CMTM8: variants seen among roughly 807,000 people sequenced by gnomAD.
CMTM8 encodes the protein CKLF like MARVEL transmembrane domain containing 8.
A neutral mutation model predicts 18.6 loss-of-function variants in CMTM8; 12 were observed. The observed-to-expected ratio is 0.65, with a 90% CI of 0.41 to 1.05. The LOEUF (loss-of-function observed/expected upper bound fraction) is 1.05. CMTM8 is among the 50% of genes least tolerant of loss of function. CMTM8 has a pLI of 0.00. For synonymous variants in CMTM8, 87 were observed against 90.6 expected, an observed-to-expected ratio of 0.96 and a Z score of 0.23; for missense variants, 217 against 227.2, an observed-to-expected ratio of 0.95 and a Z score of 0.29.
intron 1 of CMTM8, among the ~76,000 whole-genome samples, chr3:32,310,158 GT>G (rs954703670): frequency 2.4e-4 from 29 of 122,682 alleles, no homozygotes; most frequent in South Asian, 8.9e-4. Flanking sequence ...TAAAATTGTG[GT>G]TTTTTTTTTC....
chr3:32,320,867 CTTTG>C (rs1696031176), intron 1 of CMTM8, among the ~76,000 whole-genome samples: 2 of 152,022 alleles, frequency 1.3e-5, no homozygotes, highest in Non-Finnish European at 2.9e-5. Flanking sequence ...ACGGTGGTGA[CTTTG>C]TTTGCCCCTA....
intron 1 of CMTM8, among the ~76,000 whole-genome samples, chr3:32,298,122 C>G (rs1263491592): frequency 6.6e-6 from 1 of 150,682 alleles, no homozygotes; most frequent in East Asian, 1.9e-4. Context: ...GTCGCTGAGG[C>G]TGGAGTGCAG....
chr3:32,300,254 T>C (rs1489915934), intron 1 of CMTM8, among the ~76,000 whole-genome samples: 1 of 152,240 alleles, frequency 6.6e-6, no homozygotes, highest in East Asian at 1.9e-4. Flanking sequence ...CAGATTCTTC[T>C]TGGACTCTCT....
chr3:32,239,568 A>G (rs1462760580), intron 1 of CMTM8, among the ~76,000 whole-genome samples: 1 of 152,082 alleles, frequency 6.6e-6, no homozygotes, highest in Non-Finnish European at 1.5e-5. Context: ...TGGTAGTAAC[A>G]TTGAGGTGAG....
intron 1 of CMTM8, among the ~76,000 whole-genome samples, chr3:32,264,033 A>T (rs1445792805): frequency 6.6e-6 from 1 of 152,208 alleles, no homozygotes; most frequent in Non-Finnish European, 1.5e-5. Context: ...TCTGCAGGAT[A>T]TTATCCAGGA....
intron 1 of CMTM8, among the ~76,000 whole-genome samples, chr3:32,285,300 A>G (rs1025684250): frequency 1.3e-5 from 2 of 152,154 alleles, no homozygotes; most frequent in African/African-American, 4.8e-5. Context: ...GGATCACTTG[A>G]GGCCAGGAGT....
intron 1 of CMTM8, among the ~76,000 whole-genome samples, chr3:32,307,776 G>A (rs1008827635): frequency 2.0e-5 from 3 of 152,160 alleles, no homozygotes; most frequent in African/African-American, 7.2e-5. Context: ...CAGAGTTCCT[G>A]AGTCAGTAGA....
At chr3:32,311,531 C>A (rs1484241791) in intron 1 of CMTM8, among the ~76,000 whole-genome samples, 1 of 152,218 alleles carries the variant, frequency 6.6e-6, no homozygotes, top group South Asian at 2.1e-4. Context: ...CTTTGTGGAC[C>A]CTTGTGACTA....
chr3:32,297,467 A>ATCACGT (rs1553604376), intron 1 of CMTM8, among the ~76,000 whole-genome samples: 1 of 152,168 alleles, frequency 6.6e-6, no homozygotes, highest in Admixed American at 6.6e-5. Flanking sequence ...GGCGTGAGCC[A>ATCACGT]CCGTGCCTGG....
intron 2 of CMTM8, among the ~76,000 whole-genome samples, chr3:32,359,217 C>G (rs981334260): frequency 6.6e-6 from 1 of 152,168 alleles, no homozygotes; most frequent in Non-Finnish European, 1.5e-5. Flanking sequence ...GCCTACGGCC[C>G]AGCCACTCAA....
intron 1 of CMTM8, among the ~76,000 whole-genome samples, chr3:32,286,059 A>G (rs984645295): frequency 2.0e-5 from 3 of 152,216 alleles, no homozygotes; most frequent in Non-Finnish European, 4.4e-5. Context: ...GGCCTTCTGC[A>G]AGCAAACACT....
At position 32,346,052 on chromosome 3, in the gene CMTM8, G is replaced by A. The variant is rs139811159; in HGVS notation, c.148-11321G>A. Among the ~76,000 whole-genome samples, 390 of 152,316 alleles carry A rather than the reference G, an allele frequency of 2.6e-3. 15 individuals carry two copies. In the East Asian group the frequency reaches 0.054, roughly 21 times the overall value. Reference sequence around the variant, plus strand: ...GCCTGTAGTCCCACAGGCTTGGGAGGCCGAGGCAGGAGAATTGCTTGAACC... The same window carrying A: ...GCCTGTAGTCCCACAGGCTTGGGAGACCGAGGCAGGAGAATTGCTTGAACC... On this transcript the variant is annotated intron_variant, in intron 1 of 3. Coordinates refer to ENST00000307526, the MANE Select transcript of CMTM8 (RefSeq NM_178868.5).
rs1363731052 is a variant in CMTM8, at chr3:32,367,869, C to T, written c.322-3C>T. 5 of 1,608,736 alleles carry T rather than the reference C, an allele frequency of 3.1e-6. No individual in the cohort carries two copies. Among genetic ancestry groups the T allele is most frequent in the South Asian group, 1.1e-5 (1 of 90,944 alleles). ...TAAACACTCTGCCCCTGTGTCCCCC[C>T]AGGGCCTGTGCTTTAACGGCAGTGC... On this transcript the variant is annotated splice_polypyrimidine_tract_variant and splice_region_variant and intron_variant, in intron 2 of 3. Coordinates refer to ENST00000307526, the MANE Select transcript of CMTM8 (RefSeq NM_178868.5).
rs189132512 is a variant in CMTM8, at chr3:32,328,652, A to C, written c.148-28721A>C. Among the ~76,000 whole-genome samples, 522 of 152,224 alleles carry C rather than the reference A, an allele frequency of 3.4e-3. 3 individuals carry two copies. Among genetic ancestry groups the C allele is most frequent in the African/African-American group, 0.012 (500 of 41,556 alleles). The stretch of plus-strand genomic sequence containing the variant: ...AAAAAACAAAAATAACAACTATCAG[A>C]AGTGAAAGAAAAGACATTGCTAAAA... On this transcript the variant is annotated intron_variant, in intron 1 of 3. Coordinates refer to ENST00000307526, the MANE Select transcript of CMTM8 (RefSeq NM_178868.5).
At position 32,290,461 on chromosome 3, in the gene CMTM8, A is replaced by G. The variant is rs1277809305; in HGVS notation, c.147+51342A>G. On this transcript the variant is annotated intron_variant, in intron 1 of 3. Coordinates refer to ENST00000307526, the MANE Select transcript of CMTM8 (RefSeq NM_178868.5). ...ATTATAATTCAAATCACAATTTTGTATGAGTATGGATAATGTACATGTATA... is the reference window on the plus strand; with the variant it reads ...ATTATAATTCAAATCACAATTTTGTGTGAGTATGGATAATGTACATGTATA... Among the ~76,000 whole-genome samples the G allele has an allele frequency of 2.0e-5, 3 of 152,184 alleles. No homozygotes were observed. In the East Asian group the frequency reaches 5.8e-4, roughly 29 times the overall value.
At chr3:32,259,823 C>T (rs2125536661) in intron 1 of CMTM8, 2 of 817,478 alleles carry the variant, frequency 2.4e-6, no homozygotes, top group Non-Finnish European at 4.3e-6. Flanking sequence ...TGAGATGCCA[C>T]TCACGGAGCT....
chr3:32,368,206 C>T (rs978070225), intron 3 of CMTM8, among the ~76,000 whole-genome samples: 2 of 152,142 alleles, frequency 1.3e-5, no homozygotes, highest in Non-Finnish European at 2.9e-5. Flanking sequence ...GAGTGAATGC[C>T]GAATGACTGG....
chr3:32,345,168 A>G (rs1696571475), intron 1 of CMTM8, among the ~76,000 whole-genome samples: 1 of 152,122 alleles, frequency 6.6e-6, no homozygotes, highest in Non-Finnish European at 1.5e-5. Flanking sequence ...GCATGGCAAG[A>G]CCTCGTTTCT....
At chr3:32,359,259 C>T (rs1477166490) in intron 2 of CMTM8, among the ~76,000 whole-genome samples, 1 of 152,146 alleles carries the variant, frequency 6.6e-6, no homozygotes, top group East Asian at 1.9e-4. Flanking sequence ...AAGCCATAGG[C>T]AATTTGTAAA....
Sources: gnomAD v4.1 joint callset for allele counts (sites outside exome capture counted in the v4.1 genomes callset) on GRCh38, gnomAD v4.1.1 for gene constraint, MANE v1.5 for transcripts, NCBI Gene and HGNC (gene_info 2026-07-23, HGNC 2026-07-21) for gene names.